PTPRT: variants seen among roughly 807,000 people sequenced by gnomAD.
The protein encoded by PTPRT is protein tyrosine phosphatase receptor type T.
A neutral mutation model predicts 176.8 loss-of-function variants in PTPRT; 56 were observed. The ratio of observed to expected loss-of-function variants is 0.32; its 90% CI spans 0.26 to 0.40. The LOEUF (loss-of-function observed/expected upper bound fraction) is 0.40, where lower values mean the gene tolerates loss of function less well. Among genes scored for constraint, PTPRT ranks in the 10% least tolerant of loss-of-function variants. The pLI is 1.00. For missense variants in PTPRT, 1,540 were observed against 1,908.2 expected, an observed-to-expected ratio of 0.81 and a Z score of 3.60; for synonymous variants, 783 against 739.0, an observed-to-expected ratio of 1.06 and a Z score of -0.96.
At chr20:42,970,061 G>A (rs913084505) in intron 1 of PTPRT, among the ~76,000 whole-genome samples, 12 of 152,102 alleles carry the variant, frequency 7.9e-5, no homozygotes, top group African/African-American at 2.4e-4. Flanking sequence ...GAGCTGGCCC[G>A]GTTAATCAGT....
intron 8 of PTPRT, among the ~76,000 whole-genome samples, chr20:42,455,572 G>T (rs1302240032): frequency 6.6e-6 from 1 of 152,130 alleles, no homozygotes; most frequent in African/African-American, 2.4e-5. Flanking sequence ...TGACATTTAA[G>T]AGTTACTCTT....
intron 2 of PTPRT, among the ~76,000 whole-genome samples, chr20:42,851,513 C>T (rs1237763060): frequency 6.6e-6 from 1 of 152,126 alleles, no homozygotes; most frequent in East Asian, 1.9e-4. Context: ...TCCTTTTACT[C>T]TCAAAAATGT....
At chr20:42,500,199 G>C (rs2071727391) in intron 7 of PTPRT, among the ~76,000 whole-genome samples, 1 of 151,484 alleles carries the variant, frequency 6.6e-6, no homozygotes, top group Non-Finnish European at 1.5e-5. Context: ...CTTTTTATTT[G>C]AATATAAAGT....
At chr20:42,793,209 A>C (rs989875174) in intron 2 of PTPRT, among the ~76,000 whole-genome samples, 6 of 152,320 alleles carry the variant, frequency 3.9e-5, no homozygotes, top group East Asian at 3.9e-4. Flanking sequence ...AATATAAGGG[A>C]TACAAGTGCA....
At chr20:42,388,368 C>A (rs1254968272) in intron 9 of PTPRT, among the ~76,000 whole-genome samples, 1 of 152,104 alleles carries the variant, frequency 6.6e-6, no homozygotes. Context: ...ATTTTTGCAA[C>A]CTACTCATCT....
At chr20:42,735,864 C>T (rs181540901) in intron 6 of PTPRT, among the ~76,000 whole-genome samples, 60 of 152,210 alleles carry the variant, frequency 3.9e-4, no homozygotes, top group African/African-American at 1.4e-3. Flanking sequence ...CCACTCGGCC[C>T]TCAACTTCAC....
chr20:42,404,972 T>TTTTATATATA lies in PTPRT; in HGVS notation c.1560+43247_1560+43248insTATATATAAA, dbSNP rs960312629. On this transcript the variant is annotated intron_variant, in intron 9 of 30. Coordinates refer to ENST00000373187, the MANE Select transcript of PTPRT (RefSeq NM_007050.6). ...AGCATGTGAATAGAGGGCCAATTAA[T>TTTTATATATA]TATATATATATATATACACACACAC... is the stretch of plus-strand genomic sequence containing the variant. 3.0e-4 allele frequency among the ~76,000 whole-genome samples: 23 copies of TTTTATATATA among 77,932 alleles called. 1 individual carries two copies. The highest frequency in any genetic ancestry group is 8.5e-4 in the African/African-American group (18 of 21,240). The allele number at this position is 77,932 out of a possible 152,430, so 51.1% of individuals were successfully genotyped here.
intron 1 of PTPRT, among the ~76,000 whole-genome samples, chr20:43,158,023 G>A (rs557771505): frequency 1.2e-5 from 1 of 86,062 alleles, no homozygotes; most frequent in African/African-American, 3.8e-5. Flanking sequence ...CATCTTGAGA[G>A]TAGATTCTGT....
chr20:42,237,668 G>A (rs2056272934), intron 14 of PTPRT, among the ~76,000 whole-genome samples: 1 of 152,102 alleles, frequency 6.6e-6, no homozygotes, highest in Admixed American at 6.6e-5. Flanking sequence ...GTTCCTACTG[G>A]CTCCTGGCTT....
intron 1 of PTPRT, among the ~76,000 whole-genome samples, chr20:42,926,403 T>C (rs1452018898): frequency 6.6e-6 from 1 of 152,200 alleles, no homozygotes; most frequent in Non-Finnish European, 1.5e-5. Flanking sequence ...ATAAATATTT[T>C]TTTTCTAAGC....
At chr20:42,362,014 T>C (rs2058437806) in intron 9 of PTPRT, among the ~76,000 whole-genome samples, 1 of 152,220 alleles carries the variant, frequency 6.6e-6, no homozygotes, top group African/African-American at 2.4e-5. Context: ...GCTACATTCT[T>C]AGCCAAATGA....
At chr20:42,706,420 G>T (rs148139105) in intron 6 of PTPRT, among the ~76,000 whole-genome samples, 35 of 150,058 alleles carry the variant, frequency 2.3e-4, no homozygotes, top group African/African-American at 7.6e-4. Flanking sequence ...ATTTTTTTTT[G>T]CTGGGCCTTG....
In PTPRT at chr20:42,317,941, C is replaced by A. The variant is rs550037731; in HGVS notation, c.1866-1945G>T. ...TGAGTGACATGCGAGTGGATGTGGA[C>A]AATCTCTCAAGAAATGCACACTACA... On this transcript the variant is annotated intron_variant, in intron 11 of 30. Transcript: ENST00000373187. Among the ~76,000 whole-genome samples, 16 of 152,250 alleles carry A rather than the reference C, an allele frequency of 1.1e-4. No homozygotes were observed. The South Asian group carries it at 3.3e-3, about 32-fold the overall frequency.
At chr20:42,186,399 C>T (rs2146617207) in intron 16 of PTPRT, among the ~76,000 whole-genome samples, 1 of 150,106 alleles carries the variant, frequency 6.7e-6, no homozygotes, top group Middle Eastern at 3.5e-3. Flanking sequence ...TTCTACCACA[C>T]TTCCACCCCA....
intron 1 of PTPRT, among the ~76,000 whole-genome samples, chr20:43,174,723 G>GGAGT (rs1190690952): frequency 2.6e-5 from 4 of 152,154 alleles, no homozygotes; most frequent in Non-Finnish European, 5.9e-5. Flanking sequence ...CAGTTCTAAT[G>GGAGT]GAGTCACTGT....
chr20:42,701,154 G>C (rs1037427740), intron 6 of PTPRT, among the ~76,000 whole-genome samples: 4 of 152,122 alleles, frequency 2.6e-5, no homozygotes, highest in Admixed American at 6.6e-5. Context: ...GTGGCCATCC[G>C]TAAGTTATAA....
At chr20:42,673,826 C>A (rs1035444209) in intron 7 of PTPRT, among the ~76,000 whole-genome samples, 6 of 152,164 alleles carry the variant, frequency 3.9e-5, no homozygotes, top group African/African-American at 1.4e-4. Flanking sequence ...GTCGAGGGAC[C>A]ACACTTTGAG....
chr20:42,323,825 T>TCA (rs2057841976), intron 11 of PTPRT, among the ~76,000 whole-genome samples: 1 of 151,796 alleles, frequency 6.6e-6, no homozygotes, highest in Non-Finnish European at 1.5e-5. Flanking sequence ...TGAGAAACTA[T>TCA]CACACACACC....
chr20:43,155,081 C>G (rs555197592), intron 1 of PTPRT, among the ~76,000 whole-genome samples: 5 of 152,102 alleles, frequency 3.3e-5, no homozygotes, highest in African/African-American at 1.2e-4. Flanking sequence ...AAGATAGAAC[C>G]CTTATACACT....
Sources: gnomAD v4.1 joint callset for allele counts (sites outside exome capture counted in the v4.1 genomes callset) on GRCh38, gnomAD v4.1.1 for gene constraint, MANE v1.5 for transcripts, NCBI Gene and HGNC (gene_info 2026-07-23, HGNC 2026-07-21) for gene names.